LHPP: variants seen among roughly 807,000 people sequenced by gnomAD.
LHPP encodes the protein hLHPP.
LHPP carries 24 observed loss-of-function variants against 30.3 expected under a neutral mutation model. The observed-to-expected ratio is 0.79, with a 90% CI of 0.57 to 1.11. LHPP has a LOEUF of 1.11. Among genes scored for constraint, LHPP ranks in the 50% most tolerant of loss-of-function variants. The pLI is 0.00. For missense variants in LHPP, 356 were observed against 367.2 expected (o/e 0.97, Z 0.25); for synonymous variants, 150 against 157.1 (o/e 0.95, Z 0.34).
chr10:124,526,398 A>G lies in LHPP; in HGVS notation c.716+9127A>G, dbSNP rs187709089. 1.4e-5 allele frequency: 3 copies of G among 212,488 alleles called. No individual in the cohort carries two copies. In the Admixed American group the frequency reaches 2.0e-4, roughly 14 times the overall value. 13.2% of individuals were successfully genotyped at this position (212,488 alleles called of 1,614,324 possible). A position where few individuals can be genotyped will look rare whatever the true frequency, so the allele number is the denominator to read the frequency against. On this transcript the variant is annotated intron_variant, in intron 6 of 6. Coordinates refer to ENST00000368842, the MANE Select transcript of LHPP (RefSeq NM_022126.4). ...TAGATTTGCAAATGGAAGCTCAGAG[A>G]GGTGAAGTAACTTGCCCAAGGCCAC...
At chr10:124,557,273 G>A (rs553318655) in intron 6 of LHPP, among the ~76,000 whole-genome samples, 8 of 152,248 alleles carry the variant, frequency 5.3e-5, no homozygotes, top group Non-Finnish European at 1.2e-4. Context: ...TGAGTGCTCA[G>A]TAGGCAGACC....
intron 6 of LHPP, among the ~76,000 whole-genome samples, chr10:124,572,656 A>C (rs10901765): frequency 8.7e-6 from 1 of 114,570 alleles, no homozygotes; most frequent in Non-Finnish European, 1.9e-5. Context: ...GTAAGAAAGG[A>C]AAGGAAAGAA....
intron 6 of LHPP, among the ~76,000 whole-genome samples, chr10:124,608,683 C>T (rs1018653262): frequency 1.4e-5 from 2 of 146,832 alleles, no homozygotes; most frequent in African/African-American, 5.0e-5. Flanking sequence ...CTCTGTCTCG[C>T]TCAGAGGGAC....
chr10:124,603,344 T>A (rs2134013886), intron 6 of LHPP, among the ~76,000 whole-genome samples: 1 of 152,222 alleles, frequency 6.6e-6, no homozygotes, highest in Non-Finnish European at 1.5e-5. Context: ...CCCTCCTTGT[T>A]ACAGAGGAGC....
intron 6 of LHPP, among the ~76,000 whole-genome samples, chr10:124,587,111 A>G (rs1264510494): frequency 6.6e-6 from 1 of 150,940 alleles, no homozygotes; most frequent in East Asian, 2.0e-4. Context: ...CTCATTGTAA[A>G]ACCTCCGTCT....
At chr10:124,598,415 G>A (rs1948977765) in intron 6 of LHPP, among the ~76,000 whole-genome samples, 1 of 152,248 alleles carries the variant, frequency 6.6e-6, no homozygotes. Flanking sequence ...CCGCAGGGCA[G>A]GAGTGTGGCA....
At chr10:124,506,805 G>A (rs1219959391) in intron 5 of LHPP, among the ~76,000 whole-genome samples, 9 of 34,758 alleles carry the variant, frequency 2.6e-4, no homozygotes, top group East Asian at 1.7e-3. Flanking sequence ...GGGGGGGTAG[G>A]GAGGATTTCA....
intron 6 of LHPP, among the ~76,000 whole-genome samples, chr10:124,562,035 G>A (rs182922452): frequency 1.4e-4 from 21 of 152,304 alleles, no homozygotes; most frequent in Admixed American, 1.0e-3. Flanking sequence ...GGCCAGGTAC[G>A]GTGGCTCATG....
intron 1 of LHPP, among the ~76,000 whole-genome samples, chr10:124,469,725 A>G (rs1952671845): frequency 6.6e-6 from 1 of 151,980 alleles, no homozygotes; most frequent in Non-Finnish European, 1.5e-5. Context: ...TAAAGACACC[A>G]TCCTAGGCCC....
At position 124,478,314 on chromosome 10, in the gene LHPP, TC is replaced by T. The variant is rs1245340800; in HGVS notation, c.126-5824del. Among the ~76,000 whole-genome samples, 1 of 152,102 alleles carries T rather than the reference TC, an allele frequency of 6.6e-6. No individual in the cohort carries two copies. The highest frequency in any genetic ancestry group is 2.4e-5 in the African/African-American group (1 of 41,430). On this transcript the variant is annotated intron_variant, in intron 1 of 6. Transcript: ENST00000368842. This position sits in a 1 kb window ranked among gnomAD's most constrained non-coding sequence, Gnocchi z 4.7. ...CCCAGGGGAGCATGAAAGCAAAGAC[TC>T]AGGGTGCTATGAGGGCCTCTGGGTC...
intron 6 of LHPP, among the ~76,000 whole-genome samples, chr10:124,600,734 A>C (rs1043780813): frequency 6.6e-6 from 1 of 152,264 alleles, no homozygotes; most frequent in African/African-American, 2.4e-5. Context: ...TCCTCCACTC[A>C]TGGGGAGGGA....
At chr10:124,579,116 C>T (rs35637027) in intron 6 of LHPP, among the ~76,000 whole-genome samples, 21,128 of 152,234 alleles carry the variant, frequency 0.14, 1,856 homozygotes, top group Non-Finnish European at 0.2. Context: ...CATGTTGTAA[C>T]GGGCTGAGAG....
chr10:124,559,344 C>T (rs765008214), intron 6 of LHPP, among the ~76,000 whole-genome samples: 2 of 152,248 alleles, frequency 1.3e-5, no homozygotes, highest in Non-Finnish European at 2.9e-5. Flanking sequence ...GCTCTCTTGG[C>T]GTTGACCATC....
At chr10:124,511,492 TCTCGCGGTGG>T (rs1954293774) in intron 5 of LHPP, among the ~76,000 whole-genome samples, 1 of 152,152 alleles carries the variant, frequency 6.6e-6, no homozygotes, top group Non-Finnish European at 1.5e-5. Context: ...GTACCTCATG[TCTCGCGGTGG>T]CTTGCGGCTA....
chr10:124,498,813 C>A, intron 5 of LHPP: 1 of 389,684 alleles, frequency 2.6e-6, no homozygotes, highest in Non-Finnish European at 5.0e-6. Flanking sequence ...CCTTACTAAC[C>A]AGGCCCCCCC....
chr10:124,466,316 T>C (rs966040682), intron 1 of LHPP, among the ~76,000 whole-genome samples: 4 of 152,182 alleles, frequency 2.6e-5, no homozygotes, highest in African/African-American at 9.7e-5. Context: ...TTTCTCCTGC[T>C]GTGTTTGCAT....
chr10:124,517,480 A>G lies in LHPP; in HGVS notation c.716+209A>G. ...GTGATAAAGTAGAGTGGCTTTTGAT[A>G]CAGGGTCTGGGTTTTGGAATGGCGT... On this transcript the variant is annotated intron_variant, in intron 6 of 6. Transcript: ENST00000368842. This position sits in a 1 kb window ranked among gnomAD's most constrained non-coding sequence, Gnocchi z 4.1. The G allele has an allele frequency of 2.7e-6, 1 of 374,234 alleles. No homozygotes were observed. Among genetic ancestry groups the G allele is most frequent in the Non-Finnish European group, 4.8e-6 (1 of 207,156 alleles). The allele number at this position is 374,234 out of a possible 1,614,324, so 23.2% of individuals were successfully genotyped here.
intron 3 of LHPP, chr10:124,490,409 G>A: frequency 3.0e-6 from 1 of 329,636 alleles, no homozygotes; most frequent in Non-Finnish European, 6.5e-6. Flanking sequence ...ACTCCTTCCT[G>A]CAACCTCAGG....
At chr10:124,488,400 C>CT in intron 2 of LHPP, 22 bp from the exon 3 acceptor site, 3 of 1,612,788 alleles carry the variant, frequency 1.9e-6, no homozygotes, top group Non-Finnish European at 1.7e-6. Flanking sequence ...CCGTGGCACT[C>CT]TGTCTCTCTC....
Sources: allele counts gnomAD v4.1 joint callset (sites outside exome capture counted in the v4.1 genomes callset), GRCh38; gene constraint gnomAD v4.1.1; non-coding constraint Gnocchi (gnomAD v3.1); transcripts MANE v1.5; gene names NCBI Gene and HGNC (gene_info 2026-07-23, HGNC 2026-07-21).